The following WDR59 variants were observed in gnomAD, a reference collection of about 807,000 sequenced individuals.
WDR59 encodes WD repeat domain 59.
A neutral mutation model predicts 131.2 loss-of-function variants in WDR59; 100 were observed. The ratio of observed to expected loss-of-function variants is 0.76; its 90% CI spans 0.65 to 0.90. The LOEUF is 0.90. Among genes scored for constraint, WDR59 ranks in the 40% least tolerant of loss-of-function variants. The pLI is 0.00. For missense variants in WDR59, 1,203 were observed against 1,262.2 expected (o/e 0.95, Z 0.71); for synonymous variants, 601 against 466.2 (o/e 1.29, Z -3.72).
Position 74,880,947 on chromosome 16 carries a change from TG to T in WDR59, c.2689+4705del, listed in dbSNP as rs199970250. Among the ~76,000 whole-genome samples the T allele has an allele frequency of 2.4e-3, 372 of 152,288 alleles. 1 individual carries two copies. The highest frequency in any genetic ancestry group is 7.3e-3 in the African/African-American group (304 of 41,564). Reference sequence around the variant, plus strand: ...CTGGCCAAATAAATAAGACGTTAAATGAATATACTGAACCAGTAAACTGTTG... The same window carrying T: ...CTGGCCAAATAAATAAGACGTTAAATAATATACTGAACCAGTAAACTGTTG... On this transcript the variant is annotated intron_variant, in intron 25 of 25. Transcript: ENST00000262144.
intron 8 of WDR59, among the ~76,000 whole-genome samples, chr16:74,937,697 T>G (rs1257765679): frequency 6.6e-6 from 1 of 152,156 alleles, no homozygotes; most frequent in Non-Finnish European, 1.5e-5. Flanking sequence ...AGACTAGGTT[T>G]CACCATATTG....
intron 25 of WDR59, among the ~76,000 whole-genome samples, chr16:74,877,237 AACAC>A (rs149888165): frequency 0.028 from 4,175 of 151,574 alleles, 95 homozygotes; most frequent in Middle Eastern, 0.051. Flanking sequence ...TATATCTCAA[AACAC>A]ACACACACAC....
chr16:74,916,871 A>C (rs978356042), intron 11 of WDR59, among the ~76,000 whole-genome samples: 8 of 151,450 alleles, frequency 5.3e-5, no homozygotes, highest in African/African-American at 1.9e-4. Context: ...AAAAAAAAAA[A>C]CGAAAACCAT....
chr16:74,920,546 A>G (rs779780070), intron 10 of WDR59, among the ~76,000 whole-genome samples: 14 of 152,168 alleles, frequency 9.2e-5, no homozygotes, highest in Non-Finnish European at 1.5e-4. Context: ...GACTACAGGC[A>G]TGCACTGCCA....
chr16:74,906,141 G>C (rs1236810233), intron 17 of WDR59, among the ~76,000 whole-genome samples: 1 of 151,006 alleles, frequency 6.6e-6, no homozygotes. Flanking sequence ...GGTGAAACAT[G>C]GTCTCTACTA....
chr16:74,981,658 A>ATTTTTTTTTTT (rs2034430352), intron 1 of WDR59, among the ~76,000 whole-genome samples: 2 of 75,522 alleles, frequency 2.6e-5, no homozygotes, highest in African/African-American at 1.6e-4. Context: ...ATATATATAT[A>ATTTTTTTTTTT]TATTTTTTTT....
intron 3 of WDR59, 35 bp downstream of exon 3, chr16:74,956,440 A>T: frequency 6.2e-7 from 1 of 1,605,178 alleles, no homozygotes; most frequent in Non-Finnish European, 8.5e-7. Flanking sequence ...TGACACATTT[A>T]ACAGCATTCT....
At chr16:74,909,185 G>A (rs1165991134) in intron 16 of WDR59, among the ~76,000 whole-genome samples, 2 of 152,088 alleles carry the variant, frequency 1.3e-5, no homozygotes, top group African/African-American at 4.8e-5. Context: ...TATGTGGACT[G>A]GGCAGAGTCA....
intron 1 of WDR59, among the ~76,000 whole-genome samples, chr16:74,978,019 G>A (rs1166749983): frequency 2.0e-5 from 3 of 151,888 alleles, no homozygotes; most frequent in African/African-American, 7.3e-5. Flanking sequence ...ACCAGCCTGG[G>A]CATCAACAGC....
chr16:74,935,955 C>T (rs1430908346), intron 8 of WDR59, among the ~76,000 whole-genome samples: 2 of 151,666 alleles, frequency 1.3e-5, no homozygotes, highest in African/African-American at 4.8e-5. Flanking sequence ...CGAGATCGCG[C>T]CACTGCACTC....
intron 16 of WDR59, 38 bp downstream of exon 16, chr16:74,909,463 C>G (rs557574771): frequency 5.3e-6 from 8 of 1,506,640 alleles, no homozygotes; most frequent in Non-Finnish European, 7.1e-6. Context: ...TAGCTGCTCC[C>G]TCTCGAAATC....
At chr16:74,900,038 A>T (rs1054228022) in intron 18 of WDR59, among the ~76,000 whole-genome samples, 5 of 152,188 alleles carry the variant, frequency 3.3e-5, no homozygotes, top group African/African-American at 1.2e-4. Context: ...ACATCAACAC[A>T]GTTCTGACAA....
Position 74,889,807 on chromosome 16 carries a change from C to A in WDR59, c.2091G>T (p.Ser697=). 6.2e-7 allele frequency: 1 copy of A among 1,613,568 alleles called. No individual in the cohort carries two copies. The highest frequency in any genetic ancestry group is 8.5e-7 in the Non-Finnish European group (1 of 1,179,696). ...AAAGATCTGTAGCTACCGTAGCCAG[C>A]GACCAAACCTGGACAGATCAAAGAG... The part of the protein sequence containing the change: ...VGRKDLVQVW[S]LATVATDLCL... The change falls in exon 21 of 26, where the codon TCG becomes TCT. Residue 697 remains serine (S), a synonymous_variant. Coordinates refer to ENST00000262144, the MANE Select transcript of WDR59 (RefSeq NM_030581.4).
At chr16:74,927,377 C>G (rs1422180005) in intron 8 of WDR59, among the ~76,000 whole-genome samples, 2 of 152,002 alleles carry the variant, frequency 1.3e-5, no homozygotes, top group Non-Finnish European at 1.5e-5. Flanking sequence ...CACCTAAGGT[C>G]AGGAGTTAAA....
rs191396303 is a variant in WDR59, at chr16:74,890,275, C to T, written c.2083-460G>A. Among the ~76,000 whole-genome samples the T allele has an allele frequency of 1.7e-3, 260 of 152,216 alleles. 1 individual carries two copies. The highest frequency in any genetic ancestry group is 5.6e-3 in the African/African-American group (233 of 41,538). ...AAGCCATCCTCCTGCCTCAGCCTCC[C>T]GAGTATCTAGGATCACAGGCATGTG... is the stretch of plus-strand genomic sequence containing the variant. On this transcript the variant is annotated intron_variant, in intron 20 of 25. Transcript: ENST00000262144.
intron 25 of WDR59, among the ~76,000 whole-genome samples, chr16:74,878,142 T>C (rs1964305695): frequency 6.6e-6 from 1 of 152,204 alleles, no homozygotes; most frequent in Admixed American, 6.5e-5. Flanking sequence ...TGGTTTAGCA[T>C]TATTGTAAGA....
chr16:74,914,447 G>C (rs955823567), intron 13 of WDR59, among the ~76,000 whole-genome samples: 5 of 152,158 alleles, frequency 3.3e-5, no homozygotes, highest in African/African-American at 7.2e-5. Context: ...CTGGAGTAAA[G>C]AGAAAAGAAC....
chr16:74,897,598 A>G (rs1056118034), intron 18 of WDR59, among the ~76,000 whole-genome samples: 1 of 152,186 alleles, frequency 6.6e-6, no homozygotes, highest in Admixed American at 6.5e-5. Flanking sequence ...TATTGGATGG[A>G]TAAGAGGTGC....
chr16:74,942,792 AT>A lies in WDR59; in HGVS notation c.479del (p.Asn160MetfsTer28), dbSNP rs762980273. The A allele has an allele frequency of 1.2e-6, 2 of 1,611,582 alleles. No homozygotes were observed. Among genetic ancestry groups the A allele is most frequent in the Non-Finnish European group, 1.7e-6 (2 of 1,179,208 alleles). On this transcript the variant is annotated frameshift_variant, in exon 7 of 26. Coordinates refer to ENST00000262144, the MANE Select transcript of WDR59 (RefSeq NM_030581.4). LOFTEE classifies it high-confidence loss of function. ...GASQVKWNKK[N>X]ANCLATSHDG... ...CATGGCTGGTGGCAAGGCAGTTAGC[AT>A]TTTTTTTATTCCATTTGACCTGGGA...
Sources: allele counts gnomAD v4.1 joint callset (sites outside exome capture counted in the v4.1 genomes callset), GRCh38; gene constraint gnomAD v4.1.1; transcripts MANE v1.5; gene names NCBI Gene and HGNC (gene_info 2026-07-23, HGNC 2026-07-21).